Variants in PABPC4L observed in about 807,000 individuals in gnomAD.
PABPC4L encodes the protein poly(A) binding protein cytoplasmic 4 like, also known as polyadenylate-binding protein 4-like.
For missense variants in PABPC4L, 452 were observed against 451.4 expected (o/e 1.00, Z -0.01); for synonymous variants, 169 against 164.1 (o/e 1.03, Z -0.23).
At chr4:134,191,776 G>A (rs898136087), downstream of PABPC4L, among the ~76,000 whole-genome samples, 4 of 151,444 alleles carry the variant, frequency 2.6e-5, no homozygotes, top group African/African-American at 9.7e-5. Context: ...TAAAAAAGAG[G>A]AAAATTTTCA....
At chr4:134,177,458 G>A in the PABPC4L span, among the ~76,000 whole-genome samples, 6 of 152,078 alleles carry the variant, frequency 3.9e-5, no homozygotes, top group African/African-American at 1.2e-4. Flanking sequence ...ACAGGCATGA[G>A]CCACCGTGCC....
At chr4:133,999,336 C>T in the PABPC4L span, among the ~76,000 whole-genome samples, 2 of 152,070 alleles carry the variant, frequency 1.3e-5, no homozygotes, top group African/African-American at 4.8e-5. Context: ...CAAAAGTCTA[C>T]TGCCATCAAA....
chr4:134,165,234 T>G, the PABPC4L span, among the ~76,000 whole-genome samples: 1 of 152,012 alleles, frequency 6.6e-6, no homozygotes. Context: ...GCAAAGAAAT[T>G]ATGACTAATA....
chr4:134,164,277 A>T, the PABPC4L span, among the ~76,000 whole-genome samples: 1 of 147,882 alleles, frequency 6.8e-6, no homozygotes, highest in Admixed American at 6.7e-5. Flanking sequence ...AAAAAAAAAA[A>T]AAAAAAAAAA....
At chr4:133,975,985 G>A in the PABPC4L span, among the ~76,000 whole-genome samples, 1 of 152,060 alleles carries the variant, frequency 6.6e-6, no homozygotes, top group African/African-American at 2.4e-5. Flanking sequence ...TAAGTTCCGG[G>A]GTACATGTCA....
At chr4:133,982,413 T>C in the PABPC4L span, among the ~76,000 whole-genome samples, 2 of 152,002 alleles carry the variant, frequency 1.3e-5, no homozygotes, top group South Asian at 4.1e-4. Context: ...TATTCAGTAG[T>C]CCAGGACAGA....
chr4:134,137,751 C>A, the PABPC4L span, among the ~76,000 whole-genome samples: 3 of 151,952 alleles, frequency 2.0e-5, no homozygotes, highest in East Asian at 5.8e-4. Context: ...ATCCTACATT[C>A]TTTCTATAAT....
the PABPC4L span, among the ~76,000 whole-genome samples, chr4:134,155,979 G>C: frequency 6.6e-6 from 1 of 151,962 alleles, no homozygotes; most frequent in Non-Finnish European, 1.5e-5. Flanking sequence ...AGGAATGCTA[G>C]TATTGCTCAC....
the PABPC4L span, among the ~76,000 whole-genome samples, chr4:134,085,736 G>T: frequency 6.6e-6 from 1 of 152,024 alleles, no homozygotes; most frequent in Non-Finnish European, 1.5e-5. Flanking sequence ...CTACAATGTT[G>T]TTTCATATGT....
chr4:134,094,825 C>A, the PABPC4L span, among the ~76,000 whole-genome samples: 100 of 151,690 alleles, frequency 6.6e-4, no homozygotes, highest in Non-Finnish European at 1.2e-3. Flanking sequence ...CTGTTAATTT[C>A]ATTAGAAAAA....
the PABPC4L span, among the ~76,000 whole-genome samples, chr4:134,186,081 G>T: frequency 3.3e-5 from 5 of 152,090 alleles, no homozygotes; most frequent in African/African-American, 9.7e-5. Flanking sequence ...TGGATAAAAA[G>T]AATCAATATT....
At chr4:133,963,384 A>C in the PABPC4L span, among the ~76,000 whole-genome samples, 1 of 152,166 alleles carries the variant, frequency 6.6e-6, no homozygotes, top group African/African-American at 2.4e-5. Flanking sequence ...ACAGCAACAC[A>C]ATAACAGTGG....
At chr4:133,972,827 C>T in the PABPC4L span, among the ~76,000 whole-genome samples, 6 of 152,114 alleles carry the variant, frequency 3.9e-5, no homozygotes, top group Non-Finnish European at 8.8e-5. Flanking sequence ...GCCCTAGCAT[C>T]ATTAAGAAGA....
At chr4:134,113,234 C>T in the PABPC4L span, among the ~76,000 whole-genome samples, 3 of 151,772 alleles carry the variant, frequency 2.0e-5, no homozygotes, top group Admixed American at 6.6e-5. Flanking sequence ...ATTAAATGTG[C>T]AATGTTTATA....
chr4:134,184,177 C>T, the PABPC4L span, among the ~76,000 whole-genome samples: 11 of 151,874 alleles, frequency 7.2e-5, no homozygotes, highest in African/African-American at 1.7e-4. Flanking sequence ...CTGACCCAAA[C>T]ATAGAACAAA....
chr4:134,159,016 A>T, the PABPC4L span, among the ~76,000 whole-genome samples: 7 of 152,314 alleles, frequency 4.6e-5, no homozygotes, highest in Non-Finnish European at 1.0e-4. Context: ...AAAGCACGGT[A>T]AAAATAGAAC....
the PABPC4L span, among the ~76,000 whole-genome samples, chr4:134,022,979 A>G: frequency 1.5e-5 from 2 of 137,654 alleles, no homozygotes; most frequent in Admixed American, 1.4e-4. Flanking sequence ...GGGTTGGGGA[A>G]AGAAAAATTA....
the PABPC4L span, among the ~76,000 whole-genome samples, chr4:134,042,359 G>A: frequency 6.6e-6 from 1 of 152,086 alleles, no homozygotes; most frequent in African/African-American, 2.4e-5. Context: ...CTACTCAGGT[G>A]ATGGGTGCAC....
In PABPC4L at chr4:134,200,430, A is replaced by G; in HGVS notation, c.590T>C (p.Phe197Ser). Reference sequence around the variant, plus strand: ...TCTCTCATCATCCATGTCACCTCCAAAGTTTTTTATGTAAACATTGGTGAA... The same window carrying G: ...TCTCTCATCATCCATGTCACCTCCAGAGTTTTTTATGTAAACATTGGTGAA... ...SEFTNVYIKNFGGDMDDERLK... is the reference protein window; with the variant it reads ...SEFTNVYIKNSGGDMDDERLK... The change falls in exon 2 of 2, where the codon TTT (phenylalanine) becomes TCT (serine). Residue 197 changes from phenylalanine to serine, a missense_variant. By Grantham distance (155) the Phe-to-Ser change is radical (BLOSUM62 -2). Coordinates refer to ENST00000421491, the MANE Select transcript of PABPC4L (RefSeq NM_001114734.2). 2.6e-6 allele frequency: 4 copies of G among 1,552,936 alleles called. No homozygotes were observed. Among genetic ancestry groups the G allele is most frequent in the Non-Finnish European group, 3.5e-6 (4 of 1,147,600 alleles).
Sources: allele counts gnomAD v4.1 joint callset (sites outside exome capture counted in the v4.1 genomes callset), GRCh38; gene constraint gnomAD v4.1.1; transcripts MANE v1.5; gene names NCBI Gene and HGNC (gene_info 2026-07-23, HGNC 2026-07-21).